The following STK3 variants were observed in gnomAD, a reference collection of about 807,000 sequenced individuals.
The protein encoded by STK3 is serine/threonine-protein kinase 3.
A neutral mutation model predicts 58.0 loss-of-function variants in STK3; 41 were observed. The observed-to-expected ratio is 0.71, with a 90% CI of 0.55 to 0.92. The LOEUF (loss-of-function observed/expected upper bound fraction) is 0.92. STK3 is among the 40% of genes least tolerant of loss of function. The pLI, the probability that STK3 is intolerant of heterozygous loss-of-function variation, is 0.00. For missense variants in STK3, 479 were observed against 602.7 expected (o/e 0.79, Z 2.15); for synonymous variants, 170 against 191.0 (o/e 0.89, Z 0.91).
rs551942052 is a variant in STK3 at position 98,427,781 on chromosome 8, C to T, written n.483+6346G>A. 1.8e-5 allele frequency: 10 copies of T among 558,738 alleles called. No homozygotes were observed. In the East Asian group the frequency reaches 2.3e-4, roughly 13 times the overall value. The allele number at this position is 558,738 out of a possible 1,614,324, so 34.6% of individuals were successfully genotyped here. Reference sequence around the variant, plus strand: ...AGAAACATACCCACCCCCAGCCTTTCCTGGGAGGGGATCAGACCCCTCAAA... The same window carrying T: ...AGAAACATACCCACCCCCAGCCTTTTCTGGGAGGGGATCAGACCCCTCAAA... On this transcript the variant is annotated intron_variant and non_coding_transcript_variant, in intron 3 of 3. Coordinates refer to the STK3 transcript ENST00000517832.
intron 4 of STK3, among the ~76,000 whole-genome samples, chr8:98,742,792 C>A (rs1286471687): frequency 6.7e-6 from 1 of 149,600 alleles, no homozygotes; most frequent in Admixed American, 6.7e-5. Context: ...GGCAAATTGT[C>A]CCTGTTTGCA....
At chr8:98,403,125 C>T (rs1042588622) in intron 3 of STK3, among the ~76,000 whole-genome samples, 1 of 152,262 alleles carries the variant, frequency 6.6e-6, no homozygotes, top group Non-Finnish European at 1.5e-5. Context: ...ACCACACTCG[C>T]AGCTGTCCAC....
intron 10 of STK3, among the ~76,000 whole-genome samples, chr8:98,471,497 GAATA>G (rs1474292513): frequency 6.6e-6 from 1 of 151,530 alleles, no homozygotes; most frequent in Non-Finnish European, 1.5e-5. Flanking sequence ...AACATGCTCA[GAATA>G]ATTAACATTA....
chr8:98,907,001 A>AAAAAAAAAAAAAAAAAAG (rs1250358078), intron 1 of STK3, among the ~76,000 whole-genome samples: 4 of 151,648 alleles, frequency 2.6e-5, no homozygotes, highest in African/African-American at 9.7e-5. Flanking sequence ...AAAAAAAAAA[A>AAAAAAAAAAAAAAAAAAG]AAAAAAATTA....
intron 6 of STK3, among the ~76,000 whole-genome samples, chr8:98,683,823 A>C (rs1389626678): frequency 2.0e-5 from 3 of 152,202 alleles, no homozygotes; most frequent in African/African-American, 7.2e-5. Flanking sequence ...TAAAGAAAAT[A>C]GTAAACAAAA....
At chr8:98,795,245 C>G (rs953675526) in intron 1 of STK3, among the ~76,000 whole-genome samples, 15 of 149,108 alleles carry the variant, frequency 1.0e-4, no homozygotes, top group Admixed American at 2.7e-4. Context: ...TAAATGTGAT[C>G]CACCACATAA....
intron 1 of STK3, among the ~76,000 whole-genome samples, chr8:98,924,743 C>G (rs1040982062): frequency 6.6e-6 from 1 of 152,136 alleles, no homozygotes; most frequent in African/African-American, 2.4e-5. Context: ...TGGCTTACCA[C>G]CAAACAATTA....
chr8:98,367,479 C>T (rs1817575166), downstream of STK3, among the ~76,000 whole-genome samples: 1 of 152,236 alleles, frequency 6.6e-6, no homozygotes, highest in South Asian at 2.1e-4. Context: ...CCTTAGAAAT[C>T]ATACTGAGTC....
chr8:98,692,166 T>C (rs1824460041), intron 6 of STK3, among the ~76,000 whole-genome samples: 1 of 152,136 alleles, frequency 6.6e-6, no homozygotes, highest in Non-Finnish European at 1.5e-5. Context: ...GGAACTCTTG[T>C]ACATTGGTGG....
At chr8:98,825,929 G>A (rs1236382146), upstream of STK3, among the ~76,000 whole-genome samples, 1 of 147,400 alleles carries the variant, frequency 6.8e-6, no homozygotes, top group South Asian at 2.1e-4. Context: ...ACGGAGCCGG[G>A]CACCGCGGCG....
chr8:98,880,473 A>C (rs1031298500), downstream of STK3: 4 of 152,220 alleles, frequency 2.6e-5, no homozygotes, highest in African/African-American at 9.6e-5. Context: ...CTTTTAGGTT[A>C]TTTGTGAAGT....
intron 2 of STK3, among the ~76,000 whole-genome samples, chr8:98,434,863 A>G (rs1818429647): frequency 6.6e-6 from 1 of 152,248 alleles, no homozygotes; most frequent in South Asian, 2.1e-4. Flanking sequence ...GGCAGAGAAG[A>G]AAGAAGGGAA....
chr8:98,643,842 C>T (rs1407274330), intron 6 of STK3, among the ~76,000 whole-genome samples: 5 of 152,094 alleles, frequency 3.3e-5, no homozygotes, highest in African/African-American at 1.2e-4. Context: ...GACTTCACCT[C>T]TACAAAAAAC....
chr8:98,577,312 C>A (rs958862353), intron 8 of STK3, among the ~76,000 whole-genome samples: 1 of 151,930 alleles, frequency 6.6e-6, no homozygotes, highest in African/African-American at 2.4e-5. Context: ...TATGATGAAA[C>A]CTGGTCTCTA....
At chr8:98,717,856 T>C (rs1827130324) in intron 4 of STK3, among the ~76,000 whole-genome samples, 2 of 152,212 alleles carry the variant, frequency 1.3e-5, no homozygotes, top group Admixed American at 1.3e-4. Context: ...AATGGAATTT[T>C]ATTCAGCCTT....
intron 4 of STK3, among the ~76,000 whole-genome samples, chr8:98,735,222 T>A (rs1051929432): frequency 6.6e-6 from 1 of 152,134 alleles, no homozygotes; most frequent in African/African-American, 2.4e-5. Context: ...TCAACATTTA[T>A]CAAAGGCTTG....
At chr8:98,789,953 G>A (rs768437921) in intron 1 of STK3, among the ~76,000 whole-genome samples, 4 of 151,450 alleles carry the variant, frequency 2.6e-5, no homozygotes, top group East Asian at 3.9e-4. Flanking sequence ...GCTTGAACCC[G>A]GGAGGCAGAG....
intron 3 of STK3, among the ~76,000 whole-genome samples, chr8:98,760,498 G>T (rs1275998267): frequency 6.6e-6 from 1 of 152,062 alleles, no homozygotes; most frequent in Non-Finnish European, 1.5e-5. Context: ...TCACTGGGTG[G>T]AAGAACCAGG....
intron 3 of STK3, among the ~76,000 whole-genome samples, chr8:98,394,979 G>T (rs928172446): frequency 5.3e-5 from 8 of 152,268 alleles, no homozygotes; most frequent in African/African-American, 1.7e-4. Flanking sequence ...CACCATTCTC[G>T]CCTGCCACAT....
Sources: allele counts gnomAD v4.1 joint callset (sites outside exome capture counted in the v4.1 genomes callset), GRCh38; gene constraint gnomAD v4.1.1; transcripts MANE v1.5; gene names NCBI Gene and HGNC (gene_info 2026-07-23, HGNC 2026-07-21).